The following TJP2 variants were observed in gnomAD, a reference collection of about 807,000 sequenced individuals.
The protein encoded by TJP2 is tight junction protein 2, also known as Friedreich ataxia region gene X104 (tight junction protein ZO-2).
Under a neutral mutation model 133.1 loss-of-function variants are expected in TJP2, and 91 were observed. That is an observed-to-expected ratio of 0.68 (90% CI 0.58 to 0.81). The LOEUF (loss-of-function observed/expected upper bound fraction) is 0.81, where lower values mean the gene tolerates loss of function less well. TJP2 is among the 40% of genes least tolerant of loss of function. TJP2 has a pLI of 0.00. For missense variants in TJP2, 1,541 were observed against 1,565.6 expected, an observed-to-expected ratio of 0.98 and a Z score of 0.26; for synonymous variants, 592 against 583.4, an observed-to-expected ratio of 1.01 and a Z score of -0.21.
chr9:69,185,646 T>C (rs10115134), intron 1 of TJP2, among the ~76,000 whole-genome samples: 64,054 of 152,062 alleles, frequency 0.42, 13,831 homozygotes, highest in East Asian at 0.63. Flanking sequence ...TTAAAGTCAT[T>C]CCACTTTATT....
intron 1 of TJP2, among the ~76,000 whole-genome samples, chr9:69,136,713 C>T (rs1430227711): frequency 6.6e-6 from 1 of 152,002 alleles, no homozygotes; most frequent in Non-Finnish European, 1.5e-5. Context: ...CTGGGAAAAA[C>T]TCAGCCCATG....
chr9:69,135,630 G>A (rs972362251), intron 1 of TJP2, among the ~76,000 whole-genome samples: 13 of 151,132 alleles, frequency 8.6e-5, no homozygotes, highest in Admixed American at 7.3e-4. Context: ...CTTTTGAGAC[G>A]GAGTTTTACT....
intron 1 of TJP2, among the ~76,000 whole-genome samples, chr9:69,139,297 C>T (rs1822912683): frequency 1.3e-5 from 2 of 152,184 alleles, no homozygotes; most frequent in South Asian, 4.1e-4. Flanking sequence ...TCCAAAATTT[C>T]TATGTTCAAG....
chr9:69,248,308 C>T (rs772953262), intron 19 of TJP2, 84 bp downstream of exon 19: 2 of 1,493,394 alleles, frequency 1.3e-6, no homozygotes, highest in South Asian at 2.7e-5. Flanking sequence ...GTTCAGGGTG[C>T]TGTGGAAGGC....
chr9:69,132,768 C>G (rs1005498879), intron 1 of TJP2, among the ~76,000 whole-genome samples: 1 of 152,122 alleles, frequency 6.6e-6, no homozygotes, highest in Non-Finnish European at 1.5e-5. Context: ...AAATTCATTG[C>G]TATGGGGATA....
chr9:69,232,740 T>C (rs1372299296), intron 11 of TJP2, among the ~76,000 whole-genome samples: 5 of 152,222 alleles, frequency 3.3e-5, no homozygotes, highest in Non-Finnish European at 1.5e-5. Flanking sequence ...GTTATTTATC[T>C]GATAGAGTTG....
At chr9:69,131,295 G>T (rs553042978) in intron 1 of TJP2, among the ~76,000 whole-genome samples, 1 of 152,268 alleles carries the variant, frequency 6.6e-6, no homozygotes, top group East Asian at 1.9e-4. Flanking sequence ...GATATAAGCC[G>T]ATTCTGAGAG....
intron 1 of TJP2, among the ~76,000 whole-genome samples, chr9:69,203,606 G>GTTTTTTTTTTTT (rs1330482251): frequency 1.7e-5 from 1 of 57,584 alleles, no homozygotes; most frequent in Non-Finnish European, 3.7e-5. Flanking sequence ...GCCCAGCCTG[G>GTTTTTTTTTTTT]ATTTTTTTTT....
At chr9:69,213,131 T>C (rs1009958982) in intron 2 of TJP2, among the ~76,000 whole-genome samples, 1 of 148,642 alleles carries the variant, frequency 6.7e-6, no homozygotes, top group African/African-American at 2.5e-5. Context: ...TGGTGCAATT[T>C]CGGCTCAGCG....
At chr9:69,166,175 C>T (rs1824346038) in intron 2 of TJP2, among the ~76,000 whole-genome samples, 1 of 152,028 alleles carries the variant, frequency 6.6e-6, no homozygotes, top group Non-Finnish European at 1.5e-5. Context: ...TGCAGTGGTA[C>T]GATCTCGGCT....
At chr9:69,123,796 T>C (rs12353072) in intron 1 of TJP2, among the ~76,000 whole-genome samples, 2,157 of 77,992 alleles carry the variant, frequency 0.028, 807 homozygotes, top group African/African-American at 0.076. Flanking sequence ...GTGATTCTTT[T>C]AACTGGCCTC....
Position 69,237,414 on chromosome 9 carries a change from G to A in TJP2, c.2179+278G>A, listed in dbSNP as rs370663834. On this transcript the variant is annotated intron_variant, in intron 14 of 22. Coordinates refer to ENST00000377245, the MANE Select transcript of TJP2 (RefSeq NM_004817.4). Reference sequence around the variant, plus strand: ...GGCACTGTACCTTATGCCTATAATCGTAGCACTTTGGGAGGCCAAGGTGGG... The same window carrying A: ...GGCACTGTACCTTATGCCTATAATCATAGCACTTTGGGAGGCCAAGGTGGG... 1.9e-4 allele frequency among the ~76,000 whole-genome samples: 29 copies of A among 152,202 alleles called. No individual in the cohort carries two copies. In the East Asian group the frequency reaches 5.0e-3, roughly 26 times the overall value.
chr9:69,227,169 T>C (rs1212653101), intron 7 of TJP2, among the ~76,000 whole-genome samples: 1 of 152,154 alleles, frequency 6.6e-6, no homozygotes, highest in African/African-American at 2.4e-5. Flanking sequence ...CCTTAAAACT[T>C]AATTCACTTT....
At chr9:69,194,885 C>T (rs528898457) in intron 1 of TJP2, among the ~76,000 whole-genome samples, 53 of 152,262 alleles carry the variant, frequency 3.5e-4, no homozygotes, top group African/African-American at 1.2e-3. Context: ...CTTTATTCTC[C>T]AATTCTAATA....
In TJP2 at chr9:69,251,335, C is replaced by T. The variant is rs1588162580; in HGVS notation, c.3292C>T (p.Gln1098Ter). The change falls in exon 21 of 23, where the codon CAG becomes TAG. Residue 1098 changes from glutamine (Q) to a stop codon, truncating the protein, a stop_gained. Coordinates refer to ENST00000377245, the MANE Select transcript of TJP2 (RefSeq NM_004817.4). LOFTEE classifies it high-confidence loss of function. ...MDHKARLQRM[Q>*]ELQEAQNARI... ...TCACAAGGCCAGGTTACAGAGAATGCAGGAGCTCCAGGAAGCACAGAATGC... is the reference window on the plus strand; with the variant it reads ...TCACAAGGCCAGGTTACAGAGAATGTAGGAGCTCCAGGAAGCACAGAATGC... 2 of 1,613,978 alleles carry T rather than the reference C, an allele frequency of 1.2e-6. No homozygotes were observed. The highest frequency in any genetic ancestry group is 1.7e-6 in the Non-Finnish European group (2 of 1,180,008).
Position 69,254,260 on chromosome 9 carries a change from C to G in TJP2, c.3459C>G (p.Thr1153=). 6.2e-7 allele frequency: 1 copy of G among 1,614,216 alleles called. No homozygotes were observed. Among genetic ancestry groups the G allele is most frequent in the Non-Finnish European group, 8.5e-7 (1 of 1,180,036 alleles). Residue 1153 remains threonine, a synonymous_variant, in exon 23 of 23, where the codon ACC becomes ACG. Coordinates refer to ENST00000377245, the MANE Select transcript of TJP2 (RefSeq NM_004817.4). Reference sequence around the variant, plus strand: ...CTCCTTCCAGACCTTATCAGGATACCAGAGGAAGTTATGGCAGTGATGCCG... The same window carrying G: ...CTCCTTCCAGACCTTATCAGGATACGAGAGGAAGTTATGGCAGTGATGCCG... The part of the protein sequence containing the change: ...QKAPSRPYQD[T]RGSYGSDAEE...
intron 6 of TJP2, 89 bp from the exon 7 acceptor site, chr9:69,225,933 A>C: frequency 2.1e-6 from 3 of 1,403,770 alleles, no homozygotes. Context: ...ATCTGAGCAA[A>C]GCCTTTACAT....
intron 2 of TJP2, among the ~76,000 whole-genome samples, chr9:69,167,174 G>A (rs775553952): frequency 4.6e-5 from 7 of 151,976 alleles, no homozygotes; most frequent in African/African-American, 1.2e-4. Flanking sequence ...GGAGGCGGAC[G>A]TTGCAGTGAG....
intron 4 of TJP2, 162 bp downstream of exon 4, chr9:69,218,521 G>A (rs1828562383): frequency 7.3e-6 from 5 of 682,826 alleles, no homozygotes; most frequent in Non-Finnish European, 1.3e-5. Flanking sequence ...ATATGTGTAA[G>A]TTATCTTCCT....
Sources: allele counts gnomAD v4.1 joint callset (sites outside exome capture counted in the v4.1 genomes callset), GRCh38; gene constraint gnomAD v4.1.1; transcripts MANE v1.5; gene names NCBI Gene and HGNC (gene_info 2026-07-23, HGNC 2026-07-21).